Variants in ZNF385C observed in about 807,000 individuals in gnomAD.
ZNF385C encodes the protein CTD-2132N18.2.
In ZNF385C, 28 loss-of-function variants were observed where a neutral mutation model predicts 35.4. The ratio of observed to expected loss-of-function variants is 0.79; its 90% CI spans 0.59 to 1.08. ZNF385C has a LOEUF of 1.08. Among genes scored for constraint, ZNF385C ranks in the 50% least tolerant of loss-of-function variants. The pLI, the probability that ZNF385C is intolerant of heterozygous loss-of-function variation, is 0.00. For missense variants in ZNF385C, 605 were observed against 595.6 expected (o/e 1.02, Z -0.16); for synonymous variants, 248 against 248.2 (o/e 1.00, Z 0.01).
At chr17:42,040,405 C>T (rs765350080) in intron 2 of ZNF385C, 4 of 1,231,948 alleles carry the variant, frequency 3.2e-6, no homozygotes, top group African/African-American at 1.6e-5. Flanking sequence ...ACCTGAGCCG[C>T]GCTGAGCTTG....
chr17:42,089,562 A>AGTT (rs2053843782), intron 1 of ZNF385C, among the ~76,000 whole-genome samples: 1 of 152,160 alleles, frequency 6.6e-6, no homozygotes, highest in African/African-American at 2.4e-5. Context: ...TAGAAGTAAC[A>AGTT]CTGAGGATGG....
Position 42,028,086 on chromosome 17 carries a change from A to G in ZNF385C, c.1128T>C (p.Cys376=). 1 of 1,613,762 alleles carries G rather than the reference A, an allele frequency of 6.2e-7. No individual in the cohort carries two copies. The highest frequency in any genetic ancestry group is 8.5e-7 in the Non-Finnish European group (1 of 1,179,912). ...GGGTCTCTGAATTGACCTGGAGCTG[A>G]CAGAGAGCACAGTGGAAGGCAGGGC... ...GPSPAFHCAL[C]QLQVNSETQL... is the part of the protein sequence containing the mutation. The change falls in exon 7 of 9, where the codon TGT becomes TGC. Residue 376 remains cysteine, a synonymous_variant. Coordinates refer to ENST00000692273, the MANE Select transcript of ZNF385C (RefSeq NM_001392013.1).
chr17:42,056,110 T>A (rs1469873900), intron 2 of ZNF385C, among the ~76,000 whole-genome samples: 1 of 152,240 alleles, frequency 6.6e-6, no homozygotes, highest in East Asian at 1.9e-4. Context: ...ATTTCAGAAA[T>A]GCCCTCCTCT....
intron 1 of ZNF385C, among the ~76,000 whole-genome samples, chr17:42,078,876 A>C (rs2053713710): frequency 6.6e-6 from 1 of 152,212 alleles, no homozygotes; most frequent in South Asian, 2.1e-4. Context: ...GAGTAACTTG[A>C]AGTCAGGCAA....
intron 1 of ZNF385C, among the ~76,000 whole-genome samples, chr17:42,076,938 G>A (rs1456079197): frequency 6.6e-6 from 1 of 152,230 alleles, no homozygotes; most frequent in South Asian, 2.1e-4. Flanking sequence ...GAGGGATTCA[G>A]GCCCCTTAAA....
intron 1 of ZNF385C, among the ~76,000 whole-genome samples, chr17:42,089,923 C>T (rs1369644680): frequency 3.3e-5 from 5 of 152,216 alleles, no homozygotes; most frequent in Non-Finnish European, 5.9e-5. Flanking sequence ...CTGGAGAACA[C>T]CTTCTTAAAA....
chr17:42,064,068 G>GCACACACACACACA (rs1197685074), intron 1 of ZNF385C, among the ~76,000 whole-genome samples: 6 of 59,484 alleles, frequency 1.0e-4, no homozygotes, highest in Non-Finnish European at 2.1e-4. Context: ...GCGCGCACAC[G>GCACACACACACACA]CACATACACA....
At position 42,037,809 on chromosome 17, in the gene ZNF385C, C is replaced by T; in HGVS notation, c.327G>A (p.Leu109=). 6.6e-7 allele frequency: 1 copy of T among 1,525,426 alleles called. No individual in the cohort carries two copies. The highest frequency in any genetic ancestry group is 8.8e-7 in the Non-Finnish European group (1 of 1,135,438). The allele number at this position is 1,525,426 out of a possible 1,614,324, so 94.5% of individuals were successfully genotyped here. ...GGAAGGCGAGCAAGTGCTTGAAGTC[C>T]AGCGGGGGCTGCAGAGGCCGGGTGG... ...PLPTRPLQPP[L]DFKHLLAFHF... Residue 109 remains leucine (L), a synonymous_variant, in exon 3 of 9, where the codon CTG becomes CTA. Coordinates refer to ENST00000692273, the MANE Select transcript of ZNF385C (RefSeq NM_001392013.1).
chr17:42,030,275 G>T (rs782806841), intron 5 of ZNF385C, among the ~76,000 whole-genome samples: 16 of 152,098 alleles, frequency 1.1e-4, no homozygotes, highest in Non-Finnish European at 2.1e-4. Context: ...GGATCACAAG[G>T]TCAGGAGTTC....
At chr17:42,094,583 G>C (rs186373272) in intron 1 of ZNF385C, among the ~76,000 whole-genome samples, 41 of 152,298 alleles carry the variant, frequency 2.7e-4, no homozygotes, top group Admixed American at 3.9e-4. Context: ...AGATAACAAA[G>C]GACAGGGTCA....
Position 42,095,168 on chromosome 17 carries a change from C to T in ZNF385C, c.-3+3242G>A, listed in dbSNP as rs1188822110. On this transcript the variant is annotated intron_variant, in intron 1 of 8. Coordinates refer to ENST00000692273, the MANE Select transcript of ZNF385C (RefSeq NM_001392013.1). This position sits in a 1 kb window ranked among gnomAD's most constrained non-coding sequence, Gnocchi z 4.4. ...CGTGGCAGGCTGTTCCTCAAATAGC[C>T]CAATCAGAAACAATGAGTGAGCAGA... Among the ~76,000 whole-genome samples the T allele has an allele frequency of 6.6e-6, 1 of 152,108 alleles. No individual in the cohort carries two copies. The highest frequency in any genetic ancestry group is 1.5e-5 in the Non-Finnish European group (1 of 68,016).
intron 1 of ZNF385C, among the ~76,000 whole-genome samples, chr17:42,081,772 T>C (rs1555659731): frequency 6.6e-6 from 1 of 152,178 alleles, no homozygotes; most frequent in African/African-American, 2.4e-5. Context: ...GAAAGCCTCA[T>C]GCCCAGCAGG....
At chr17:42,090,428 A>G (rs545344791) in intron 1 of ZNF385C, among the ~76,000 whole-genome samples, 56 of 151,556 alleles carry the variant, frequency 3.7e-4, no homozygotes, top group Middle Eastern at 6.9e-3. Flanking sequence ...CTGGGATTAC[A>G]GGCTTGCGCC....
At chr17:42,090,276 CCTTT>C (rs2053851327) in intron 1 of ZNF385C, among the ~76,000 whole-genome samples, 1 of 140,326 alleles carries the variant, frequency 7.1e-6, no homozygotes, top group East Asian at 2.0e-4. Context: ...CCTCTTATTC[CCTTT>C]TTTTTTTTTT....
intron 1 of ZNF385C, among the ~76,000 whole-genome samples, chr17:42,093,640 G>C (rs2053886795): frequency 1.3e-5 from 2 of 151,102 alleles, no homozygotes; most frequent in East Asian, 3.9e-4. Context: ...GAGTGCAGTG[G>C]CACGATGTTG....
chr17:42,035,465 G>A (rs2052832535), intron 3 of ZNF385C, among the ~76,000 whole-genome samples: 1 of 151,782 alleles, frequency 6.6e-6, no homozygotes, highest in South Asian at 2.1e-4. Context: ...CTTCATGCAG[G>A]GACCTGTGGG....
At chr17:42,092,916 G>T (rs1050342925) in intron 1 of ZNF385C, among the ~76,000 whole-genome samples, 2 of 152,094 alleles carry the variant, frequency 1.3e-5, no homozygotes, top group Non-Finnish European at 2.9e-5. Context: ...ATCTGGGAGC[G>T]GGGGGCGGGG....
rs1327869768 is a variant in ZNF385C at position 42,071,926 on chromosome 17, T to C, written c.-2-8868A>G. 2.6e-5 allele frequency among the ~76,000 whole-genome samples: 4 copies of C among 152,238 alleles called. No homozygotes were observed. In the East Asian group the frequency reaches 7.8e-4, roughly 30 times the overall value. ...CAGAAGGAGGAGGGTTGGGAGCTCC[T>C]GGGACTGTTCCTGAGTTGTGGGTGG... On this transcript the variant is annotated intron_variant, in intron 1 of 8. Transcript: ENST00000692273.
chr17:42,059,873 C>T (rs2053435866), intron 2 of ZNF385C, among the ~76,000 whole-genome samples: 1 of 152,202 alleles, frequency 6.6e-6, no homozygotes, highest in Non-Finnish European at 1.5e-5. Flanking sequence ...CCTCCTGCCT[C>T]AGCCTCCCAA....
Sources: allele counts gnomAD v4.1 joint callset (sites outside exome capture counted in the v4.1 genomes callset), GRCh38; gene constraint gnomAD v4.1.1; non-coding constraint Gnocchi (gnomAD v3.1); transcripts MANE v1.5; gene names NCBI Gene and HGNC (gene_info 2026-07-23, HGNC 2026-07-21).